ENTREP2: variants seen among roughly 807,000 people sequenced by gnomAD.
The protein encoded by ENTREP2 is endosomal transmembrane epsin interactor 2, also known as protein ENTREP2.
the ENTREP2 span, among the ~76,000 whole-genome samples, chr15:29,509,902 T>C: frequency 1.3e-5 from 2 of 152,026 alleles, no homozygotes; most frequent in Non-Finnish European, 2.9e-5. Context: ...AATTGACAAA[T>C]GGAATCTAAT....
At chr15:29,198,075 G>T in the ENTREP2 span, among the ~76,000 whole-genome samples, 2 of 152,154 alleles carry the variant, frequency 1.3e-5, no homozygotes, top group Non-Finnish European at 2.9e-5. Flanking sequence ...CAAGAAATGT[G>T]CTGATATTCA....
chr15:29,394,736 C>A, the ENTREP2 span, among the ~76,000 whole-genome samples: 4 of 151,972 alleles, frequency 2.6e-5, no homozygotes, highest in Non-Finnish European at 4.4e-5. Flanking sequence ...TTCCCCATTC[C>A]CTCCCCCACT....
At chr15:29,467,747 A>T in the ENTREP2 span, among the ~76,000 whole-genome samples, 5 of 152,214 alleles carry the variant, frequency 3.3e-5, no homozygotes, top group Admixed American at 6.5e-5. Flanking sequence ...ATCTATGGCC[A>T]GGCACAGAAG....
At chr15:29,439,493 G>C in the ENTREP2 span, among the ~76,000 whole-genome samples, 1 of 152,068 alleles carries the variant, frequency 6.6e-6, no homozygotes, top group African/African-American at 2.4e-5. Context: ...ATTAACAATG[G>C]AGGAAGAGAC....
chr15:29,639,404 T>C, the ENTREP2 span, among the ~76,000 whole-genome samples: 10 of 152,218 alleles, frequency 6.6e-5, no homozygotes, highest in African/African-American at 2.4e-4. Flanking sequence ...GAAGCATTTA[T>C]GCAAAAGTCA....
the ENTREP2 span, among the ~76,000 whole-genome samples, chr15:29,542,066 T>C: frequency 6.6e-6 from 1 of 152,234 alleles, no homozygotes; most frequent in East Asian, 1.9e-4. Flanking sequence ...TGGAGGGCAG[T>C]GGTGCGATCT....
At chr15:29,140,488 A>G in the ENTREP2 span, among the ~76,000 whole-genome samples, 1 of 152,200 alleles carries the variant, frequency 6.6e-6, no homozygotes, top group Non-Finnish European at 1.5e-5. Context: ...AAAAGACTTT[A>G]ATGAGACCCT....
the ENTREP2 span, among the ~76,000 whole-genome samples, chr15:29,593,406 C>T: frequency 6.6e-6 from 1 of 152,146 alleles, no homozygotes. Flanking sequence ...ACTTCAACAT[C>T]CCCGTGACAA....
At chr15:29,294,089 AAGCAAAGAGGG>A in the ENTREP2 span, among the ~76,000 whole-genome samples, 1 of 152,188 alleles carries the variant, frequency 6.6e-6, no homozygotes. Flanking sequence ...TGGTGCTCAG[AAGCAAAGAGGG>A]CCCTCTGGGG....
chr15:29,193,929 A>G, the ENTREP2 span, among the ~76,000 whole-genome samples: 1 of 152,224 alleles, frequency 6.6e-6, no homozygotes, highest in African/African-American at 2.4e-5. Context: ...AAAATATGTT[A>G]AGATCTATAT....
the ENTREP2 span, among the ~76,000 whole-genome samples, chr15:29,506,592 G>A: frequency 6.6e-6 from 1 of 152,178 alleles, no homozygotes; most frequent in Non-Finnish European, 1.5e-5. Flanking sequence ...GAAGAGAGTA[G>A]GGGCCAATAT....
chr15:29,236,595 G>A, the ENTREP2 span, among the ~76,000 whole-genome samples: 1 of 152,188 alleles, frequency 6.6e-6, no homozygotes, highest in East Asian at 1.9e-4. Flanking sequence ...GTTGCATTGA[G>A]CTATGATTGT....
the ENTREP2 span, among the ~76,000 whole-genome samples, chr15:29,493,422 C>T: frequency 1.3e-5 from 2 of 151,740 alleles, no homozygotes; most frequent in Admixed American, 6.6e-5. Flanking sequence ...CGTGAGCCAC[C>T]GCGCCCGGCC....
chr15:29,128,749 A>T, the ENTREP2 span: 1 of 1,457,506 alleles, frequency 6.9e-7, no homozygotes, highest in Non-Finnish European at 9.4e-7. Context: ...CCTTGAAAAC[A>T]GGAACACCCC....
chr15:29,185,358 T>C, the ENTREP2 span, among the ~76,000 whole-genome samples: 2 of 152,158 alleles, frequency 1.3e-5, no homozygotes, highest in African/African-American at 4.8e-5. Context: ...TTTCCTGCCT[T>C]TGCTTTTGTC....
At chr15:29,568,043 G>A in the ENTREP2 span, among the ~76,000 whole-genome samples, 1 of 152,190 alleles carries the variant, frequency 6.6e-6, no homozygotes, top group Non-Finnish European at 1.5e-5. Context: ...ATATGGCAAT[G>A]GGTCAGTGTT....
the ENTREP2 span, among the ~76,000 whole-genome samples, chr15:29,309,932 C>T: frequency 6.6e-6 from 1 of 152,108 alleles, no homozygotes; most frequent in Non-Finnish European, 1.5e-5. Flanking sequence ...GGGCATAGGA[C>T]TGAGACTGTC....
the ENTREP2 span, among the ~76,000 whole-genome samples, chr15:29,461,942 A>G: frequency 6.6e-6 from 1 of 151,074 alleles, no homozygotes; most frequent in Non-Finnish European, 1.5e-5. Flanking sequence ...CCACCATTCT[A>G]TTTTCTGTCT....
At chr15:29,381,851 A>C in the ENTREP2 span, 1 of 1,551,196 alleles carries the variant, frequency 6.4e-7, no homozygotes, top group African/African-American at 1.4e-5. Context: ...CAAAAGATAC[A>C]GGAAGGTGAG....
Sources: gnomAD v4.1 joint callset for allele counts (sites outside exome capture counted in the v4.1 genomes callset) on GRCh38, gnomAD v4.1.1 for gene constraint, MANE v1.5 for transcripts, NCBI Gene and HGNC (gene_info 2026-07-23, HGNC 2026-07-21) for gene names.